The following HIRA variants were observed in gnomAD, a reference collection of about 807,000 sequenced individuals.
The protein encoded by HIRA is histone cell cycle regulator, also known as protein HIRA.
A neutral mutation model predicts 126.6 loss-of-function variants in HIRA; 13 were observed. The observed-to-expected ratio is 0.10, with a 90% CI of 0.07 to 0.16. The LOEUF is 0.16. HIRA is among the 10% of genes least tolerant of loss of function. The pLI, the probability that HIRA is intolerant of heterozygous loss-of-function variation, is 1.00. For missense variants in HIRA, 834 were observed against 1,314.4 expected (o/e 0.63, Z 5.65); for synonymous variants, 511 against 520.0 (o/e 0.98, Z 0.24).
At chr22:19,345,130 C>G (rs148684412) in intron 24 of HIRA, among the ~76,000 whole-genome samples, 1 of 152,192 alleles carries the variant, frequency 6.6e-6, no homozygotes, top group African/African-American at 2.4e-5. Flanking sequence ...GAGTCCTAGA[C>G]AGATCAATTA....
intron 13 of HIRA, among the ~76,000 whole-genome samples, chr22:19,378,510 G>C (rs561797266): frequency 1.8e-4 from 28 of 152,348 alleles, no homozygotes; most frequent in East Asian, 3.9e-4. Flanking sequence ...GCTTTTTCTA[G>C]AACAGATGCT....
intron 15 of HIRA, among the ~76,000 whole-genome samples, chr22:19,368,790 G>A (rs1049839089): frequency 3.3e-5 from 5 of 152,138 alleles, no homozygotes; most frequent in African/African-American, 7.2e-5. Context: ...TAAGGCGGGC[G>A]GTGGCTTCCT....
chr22:19,392,011 AT>A (rs1235159668), intron 9 of HIRA, 89 bp downstream of exon 9: 1 of 682,904 alleles, frequency 1.5e-6, no homozygotes, highest in Non-Finnish European at 2.5e-6. Flanking sequence ...CACTCTTAGC[AT>A]CACCCAAAGC....
intron 15 of HIRA, among the ~76,000 whole-genome samples, chr22:19,370,773 T>G (rs901652111): frequency 2.0e-5 from 3 of 152,214 alleles, no homozygotes; most frequent in African/African-American, 7.2e-5. Context: ...AGCAGGAAGC[T>G]CAGCCCCAAG....
chr22:19,367,923 C>T (rs1343774737), intron 15 of HIRA, among the ~76,000 whole-genome samples: 2 of 152,182 alleles, frequency 1.3e-5, no homozygotes, highest in Admixed American at 1.3e-4. Context: ...AGAGGCACAA[C>T]ATAATGAATA....
intron 15 of HIRA, among the ~76,000 whole-genome samples, chr22:19,363,187 T>G (rs1371446963): frequency 1.3e-5 from 2 of 149,652 alleles, no homozygotes; most frequent in South Asian, 4.3e-4. Context: ...GGAGTCAAGA[T>G]CGTGCCACTG....
chr22:19,350,012 G>C (rs1273896943), intron 24 of HIRA, among the ~76,000 whole-genome samples: 1 of 151,084 alleles, frequency 6.6e-6, no homozygotes, highest in African/African-American at 2.4e-5. Context: ...TTTTGAGACG[G>C]AGTCTCGCTC....
At chr22:19,359,192 T>C in intron 18 of HIRA, 144 bp downstream of exon 18, 1 of 798,868 alleles carries the variant, frequency 1.3e-6, no homozygotes, top group Non-Finnish European at 1.8e-6. Context: ...GCACATATGC[T>C]TGGCCTGGAG....
intron 17 of HIRA, among the ~76,000 whole-genome samples, chr22:19,360,961 T>A (rs1307971868): frequency 6.6e-6 from 1 of 152,232 alleles, no homozygotes; most frequent in Non-Finnish European, 1.5e-5. Context: ...AGAGGAGTCC[T>A]GAAGAGCACC....
At chr22:19,392,658 G>C (rs1315897044) in intron 8 of HIRA, among the ~76,000 whole-genome samples, 3 of 152,208 alleles carry the variant, frequency 2.0e-5, no homozygotes, top group Non-Finnish European at 4.4e-5. Context: ...ATGGGCAGGA[G>C]GGGTGTGAAT....
chr22:19,397,358 T>C (rs978857019), intron 6 of HIRA, among the ~76,000 whole-genome samples: 2 of 152,190 alleles, frequency 1.3e-5, no homozygotes, highest in Non-Finnish European at 2.9e-5. Flanking sequence ...TGTACGACGG[T>C]ACCCCATATA....
chr22:19,373,323 C>T (rs1202184652), intron 15 of HIRA, among the ~76,000 whole-genome samples: 1 of 152,174 alleles, frequency 6.6e-6, no homozygotes, highest in Non-Finnish European at 1.5e-5. Context: ...AAGACTTAAG[C>T]ATATTTTATA....
intron 5 of HIRA, among the ~76,000 whole-genome samples, chr22:19,404,747 T>A (rs544441601): frequency 6.6e-6 from 1 of 152,178 alleles, no homozygotes; most frequent in Non-Finnish European, 1.5e-5. Context: ...CATTCTGAAC[T>A]GGTATCCGTC....
intron 12 of HIRA, among the ~76,000 whole-genome samples, chr22:19,383,930 C>G (rs1034254426): frequency 6.6e-6 from 1 of 152,160 alleles, no homozygotes; most frequent in South Asian, 2.1e-4. Context: ...ACTTTATACC[C>G]TTTGGCTAAT....
intron 15 of HIRA, among the ~76,000 whole-genome samples, chr22:19,372,198 G>A (rs535513700): frequency 3.1e-4 from 47 of 152,286 alleles, no homozygotes; most frequent in South Asian, 6.2e-4. Flanking sequence ...ATACTTTATA[G>A]TGCCATCTGA....
At chr22:19,429,131 ATCTT>A (rs2089510449) in intron 1 of HIRA, among the ~76,000 whole-genome samples, 1 of 119,508 alleles carries the variant, frequency 8.4e-6, no homozygotes, top group African/African-American at 3.0e-5. Context: ...GAGTTGCCAT[ATCTT>A]TTTTTTTTTT....
chr22:19,393,216 C>G (rs971689072), intron 8 of HIRA, among the ~76,000 whole-genome samples: 1 of 152,146 alleles, frequency 6.6e-6, no homozygotes, highest in African/African-American at 2.4e-5. Context: ...AACCATGAAG[C>G]ACTGATTTCC....
intron 15 of HIRA, among the ~76,000 whole-genome samples, chr22:19,372,591 A>G (rs1601825577): frequency 9.1e-6 from 1 of 110,280 alleles, no homozygotes; most frequent in Non-Finnish European, 1.8e-5. Context: ...TTTTTTTTTG[A>G]GATGGAGTTT....
Position 19,390,601 on chromosome 22 carries a change from C to CAAAAAAAAAAAAAAAAAA in HIRA, c.936+1482_936+1499dup, listed in dbSNP as rs575050947. On this transcript the variant is annotated intron_variant, in intron 9 of 24. Coordinates refer to ENST00000263208, the MANE Select transcript of HIRA (RefSeq NM_003325.4). ...TGGGCAATAGAGGGAGACTCTGTCT[C>CAAAAAAAAAAAAAAAAAA]AAAAAAAAAAAAAAAAAAAAAAAAA... Among the ~76,000 whole-genome samples the CAAAAAAAAAAAAAAAAAA allele has an allele frequency of 5.2e-3, 200 of 38,340 alleles. 34 individuals carry two copies. Among genetic ancestry groups the CAAAAAAAAAAAAAAAAAA allele is most frequent in the Non-Finnish European group, 7.5e-3 (155 of 20,706 alleles). 25.2% of individuals were successfully genotyped at this position (38,340 alleles called of 152,430 possible). A position where few individuals can be genotyped will look rare whatever the true frequency, so the allele number is the denominator to read the frequency against.
Sources: allele counts gnomAD v4.1 joint callset (sites outside exome capture counted in the v4.1 genomes callset), GRCh38; gene constraint gnomAD v4.1.1; transcripts MANE v1.5; gene names NCBI Gene and HGNC (gene_info 2026-07-23, HGNC 2026-07-21).